Variants in PCDHA2 observed in about 807,000 individuals in gnomAD.
The protein encoded by PCDHA2 is protocadherin alpha-2.
PCDHA2 carries 58 observed loss-of-function variants against 66.0 expected under a neutral mutation model. That is an observed-to-expected ratio of 0.88 (90% CI 0.71 to 1.09). The LOEUF (loss-of-function observed/expected upper bound fraction) is 1.09. Ranked by LOEUF, PCDHA2 falls within the 50% of genes least tolerant of loss-of-function variation. The pLI is 0.00. For missense variants in PCDHA2, 1,267 were observed against 1,242.3 expected (o/e 1.02, Z -0.30); for synonymous variants, 634 against 554.0 (o/e 1.14, Z -2.03).
chr5:140,890,646 C>A (rs1332050034), intron 1 of PCDHA2, among the ~76,000 whole-genome samples: 4 of 152,082 alleles, frequency 2.6e-5, no homozygotes, highest in African/African-American at 9.7e-5. Flanking sequence ...CTTGATATAT[C>A]AAAATCAAAA....
chr5:140,886,023 C>A (rs759768435), intron 1 of PCDHA2, among the ~76,000 whole-genome samples: 5 of 152,078 alleles, frequency 3.3e-5, no homozygotes, highest in Non-Finnish European at 7.4e-5. Flanking sequence ...GCTATGTATT[C>A]TTCACTAAGT....
chr5:140,980,015 G>A (rs1164072132), intron 2 of PCDHA2, among the ~76,000 whole-genome samples: 2 of 152,192 alleles, frequency 1.3e-5, no homozygotes, highest in East Asian at 3.9e-4. Flanking sequence ...CATTACAAAT[G>A]AGCAGAAATC....
intron 1 of PCDHA2, among the ~76,000 whole-genome samples, chr5:140,806,226 A>G (rs1221109802): frequency 6.6e-6 from 1 of 152,188 alleles, no homozygotes; most frequent in African/African-American, 2.4e-5. Flanking sequence ...CAAAATGAAC[A>G]TGCTTGTTTA....
chr5:140,999,801 G>T (rs1271249129), intron 3 of PCDHA2, among the ~76,000 whole-genome samples: 1 of 152,112 alleles, frequency 6.6e-6, no homozygotes, highest in Admixed American at 6.5e-5. Flanking sequence ...GTTATTTTGG[G>T]CACAAAGCAA....
chr5:140,831,244 C>G (rs1554133154), intron 1 of PCDHA2: 1 of 152,156 alleles, frequency 6.6e-6, no homozygotes, highest in African/African-American at 2.4e-5. Flanking sequence ...CATTGCGGCT[C>G]TCTTATTTCT....
intron 1 of PCDHA2, among the ~76,000 whole-genome samples, chr5:140,894,027 A>G (rs1251239546): frequency 6.6e-6 from 1 of 152,206 alleles, no homozygotes; most frequent in Non-Finnish European, 1.5e-5. Context: ...AGTTCTGCAT[A>G]CTGGTAATGT....
intron 1 of PCDHA2, chr5:140,802,587 G>A (rs781821131): frequency 6.2e-7 from 1 of 1,614,126 alleles, no homozygotes; most frequent in Non-Finnish European, 8.5e-7. Context: ...CACGGTGTTC[G>A]TGAAGGAGAA....
At chr5:140,910,037 C>G (rs1290917830) in intron 1 of PCDHA2, among the ~76,000 whole-genome samples, 1 of 152,198 alleles carries the variant, frequency 6.6e-6, no homozygotes, top group Non-Finnish European at 1.5e-5. Context: ...ATAAATCCCA[C>G]TTGGTCATAA....
intron 1 of PCDHA2, chr5:140,843,297 T>C: frequency 6.3e-7 from 1 of 1,595,944 alleles, no homozygotes; most frequent in Non-Finnish European, 8.6e-7. Context: ...GAACCTGCGC[T>C]GACCGCCACG....
rs199520871 is a variant in PCDHA2 at position 140,848,784 on chromosome 5, G to C, written c.2388+51432G>C. 5.5e-5 allele frequency: 88 copies of C among 1,593,310 alleles called. 12 individuals are homozygous for C. Among genetic ancestry groups the C allele is most frequent in the Non-Finnish European group, 6.9e-5 (80 of 1,164,078 alleles). On this transcript the variant is annotated intron_variant, in intron 1 of 3. Coordinates refer to ENST00000526136, the MANE Select transcript of PCDHA2 (RefSeq NM_018905.3). ...TCGGATCGACCGCGAGGAGCTGTGC[G>C]GGCGGAGCGCGGAGTGCAGCATCCA...
At position 140,851,390 on chromosome 5, in the gene PCDHA2, C is replaced by A. The variant is rs1410826615; in HGVS notation, c.2388+54038C>A. The A allele has an allele frequency of 2.3e-5, 22 of 973,626 alleles. 2 individuals are homozygous for A. In the African/African-American group the frequency reaches 3.7e-4, roughly 16 times the overall value. The allele number at this position is 973,626 out of a possible 1,614,324, so 60.3% of individuals were successfully genotyped here. A position where few individuals can be genotyped will look rare whatever the true frequency, so the allele number is the denominator to read the frequency against. On this transcript the variant is annotated intron_variant, in intron 1 of 3. Transcript: ENST00000526136. ...CTGATTGTTCAGCAACCTTCAGTAT[C>A]TATTATTTTAATAAGAAAGAAACTT...
At chr5:140,920,749 C>T (rs145619239) in intron 1 of PCDHA2, among the ~76,000 whole-genome samples, 2 of 151,424 alleles carry the variant, frequency 1.3e-5, no homozygotes, top group Non-Finnish European at 2.9e-5. Context: ...GAGGCTGAGG[C>T]AGGAGAATTG....
chr5:140,856,342 C>T (rs1286159283), intron 1 of PCDHA2: 3 of 1,598,498 alleles, frequency 1.9e-6, no homozygotes, highest in Non-Finnish European at 2.6e-6. Context: ...GCGGGCGGAG[C>T]GTGGAGTGCA....
chr5:140,850,290 G>C (rs2150477897), intron 1 of PCDHA2: 1 of 1,595,932 alleles, frequency 6.3e-7, no homozygotes, highest in South Asian at 1.1e-5. Flanking sequence ...CGCAGTGGAC[G>C]CCGACTCGGG....
intron 1 of PCDHA2, chr5:140,841,532 C>T (rs2150317529): frequency 3.7e-6 from 6 of 1,613,694 alleles, no homozygotes; most frequent in Non-Finnish European, 5.1e-6. Context: ...GTCCAAAAGA[C>T]ACCGGGACCT....
chr5:140,903,987 C>A (rs1324981597), intron 1 of PCDHA2, among the ~76,000 whole-genome samples: 1 of 152,146 alleles, frequency 6.6e-6, no homozygotes, highest in Non-Finnish European at 1.5e-5. Flanking sequence ...CACAATGTAA[C>A]AGCTACAAAT....
intron 1 of PCDHA2, among the ~76,000 whole-genome samples, chr5:140,975,301 C>A (rs943526337): frequency 2.3e-4 from 35 of 152,200 alleles, no homozygotes; most frequent in African/African-American, 8.4e-4. Flanking sequence ...TTAAAGAGCT[C>A]ATGTGATTAT....
chr5:140,973,606 G>T (rs1554235444), intron 1 of PCDHA2, among the ~76,000 whole-genome samples: 1 of 152,204 alleles, frequency 6.6e-6, no homozygotes, highest in African/African-American at 2.4e-5. Flanking sequence ...TTATGGCTGA[G>T]CTCTTCTCTG....
chr5:140,946,980 T>G (rs757011315), intron 1 of PCDHA2, among the ~76,000 whole-genome samples: 4 of 151,702 alleles, frequency 2.6e-5, no homozygotes, highest in Non-Finnish European at 5.9e-5. Context: ...AATAGAGGAT[T>G]TTGAGTGTTC....
Sources: allele counts gnomAD v4.1 joint callset (sites outside exome capture counted in the v4.1 genomes callset), GRCh38; gene constraint gnomAD v4.1.1; transcripts MANE v1.5; gene names NCBI Gene and HGNC (gene_info 2026-07-23, HGNC 2026-07-21).